The following BCOR variants were observed in gnomAD, a reference collection of about 807,000 sequenced individuals.
BCOR encodes BCL6 corepressor, also known as BCL-6 corepressor.
A neutral mutation model predicts 86.7 loss-of-function variants in BCOR; 10 were observed. That is an observed-to-expected ratio of 0.12 (90% CI 0.07 to 0.20). The LOEUF is 0.20. Ranked by LOEUF, BCOR falls within the 10% of genes least tolerant of loss-of-function variation. BCOR has a pLI of 1.00. For synonymous variants in BCOR, 611 were observed against 609.0 expected (o/e 1.00, Z -0.05); for missense variants, 1,259 against 1,452.1 (o/e 0.87, Z 2.16).
chrX:40,172,534 G>T (rs974044662), intron 1 of BCOR, among the ~76,000 whole-genome samples: 1 of 113,399 alleles, frequency 8.8e-6, no homozygotes, highest in African/African-American at 3.2e-5. Flanking sequence ...GAGGCGGGCT[G>T]CGCGCTTGGA....
intron 1 of BCOR, among the ~76,000 whole-genome samples, chrX:40,107,663 G>A (rs1281862440): frequency 1.8e-5 from 2 of 112,735 alleles, no homozygotes; most frequent in African/African-American, 6.4e-5. Flanking sequence ...CGACTTGGCG[G>A]CGCTGGCAGG....
intron 1 of BCOR, among the ~76,000 whole-genome samples, chrX:40,160,432 C>CT (rs1555941079): frequency 2.0e-5 from 2 of 98,672 alleles, no homozygotes; most frequent in South Asian, 9.1e-4. Context: ...ATTACTTTTT[C>CT]TTTTTTTTCT....
chrX:40,145,975 C>T (rs978351061), intron 1 of BCOR, among the ~76,000 whole-genome samples: 6 of 111,632 alleles, frequency 5.4e-5, no homozygotes, highest in African/African-American at 2.0e-4. Flanking sequence ...TATCGTGGGA[C>T]GCGGCGGCGG....
At chrX:40,138,680 G>A (rs780345320) in intron 1 of BCOR, among the ~76,000 whole-genome samples, 2 of 110,099 alleles carry the variant, frequency 1.8e-5, no homozygotes, top group Admixed American at 9.8e-5. Flanking sequence ...TCAGCCTCCC[G>A]AGTAGCTGGG....
intron 1 of BCOR, among the ~76,000 whole-genome samples, chrX:40,095,111 C>T (rs1020200121): frequency 9.0e-6 from 1 of 111,550 alleles, no homozygotes; most frequent in African/African-American, 3.3e-5. Context: ...AGGCCAGCCT[C>T]GGATTAAACC....
At chrX:40,134,604 C>T (rs995800192) in intron 1 of BCOR, among the ~76,000 whole-genome samples, 2 of 111,432 alleles carry the variant, frequency 1.8e-5, no homozygotes, top group African/African-American at 6.5e-5. Context: ...GCCTGGGTGA[C>T]AGAATGAGAC....
intron 10 of BCOR, among the ~76,000 whole-genome samples, chrX:40,061,482 T>TACTTTGGATCTTAGGGGCTCCG (rs1555914599): frequency 2.7e-5 from 3 of 111,657 alleles, no homozygotes; most frequent in African/African-American, 9.8e-5. Flanking sequence ...TGAAATGAGT[T>TACTTTGGATCTTAGGGGCTCCG]ACTTTGGATC....
chrX:40,153,322 C>G (rs1938210683), intron 1 of BCOR, among the ~76,000 whole-genome samples: 1 of 112,637 alleles, frequency 8.9e-6, no homozygotes, highest in Non-Finnish European at 1.9e-5. Flanking sequence ...CACCCTCGCC[C>G]AAGGCCCGAG....
chrX:40,176,110 G>A (rs1203015781), intron 1 of BCOR, among the ~76,000 whole-genome samples: 1 of 112,732 alleles, frequency 8.9e-6, no homozygotes, highest in Non-Finnish European at 1.9e-5. Flanking sequence ...TTGGGGAAGC[G>A]TGAGACCGTT....
intron 1 of BCOR, among the ~76,000 whole-genome samples, chrX:40,146,206 GCGCGGAGGCGGGGCGCGGGGCTCCGCTCC>G (rs984212005): frequency 4.5e-5 from 5 of 112,161 alleles, no homozygotes; most frequent in East Asian, 5.7e-4. Context: ...CATCTCGTGG[GCGCGGAGGCGGGGCGCGGGGCTCCGCTCC>G]CGCGGAGGCG....
chrX:40,120,542 C>A (rs991177001), intron 1 of BCOR, among the ~76,000 whole-genome samples: 1 of 111,827 alleles, frequency 8.9e-6, no homozygotes, highest in African/African-American at 3.3e-5. Flanking sequence ...CAGCTTCTCA[C>A]CTACGCCATG....
chrX:40,139,191 G>C (rs1204944045), intron 1 of BCOR, among the ~76,000 whole-genome samples: 1 of 104,494 alleles, frequency 9.6e-6, no homozygotes, highest in East Asian at 3.1e-4. Flanking sequence ...CTAAGTAACA[G>C]TTTAAGATAA....
At chrX:40,070,216 G>A (rs1022811998) in intron 6 of BCOR, among the ~76,000 whole-genome samples, 4 of 111,468 alleles carry the variant, frequency 3.6e-5, no homozygotes, top group African/African-American at 6.5e-5. Context: ...ATTCCCCTTC[G>A]CCCAGTGAGG....
intron 1 of BCOR, among the ~76,000 whole-genome samples, chrX:40,140,817 A>G (rs1465030951): frequency 1.8e-5 from 2 of 113,332 alleles, no homozygotes; most frequent in African/African-American, 3.2e-5. Flanking sequence ...CATGGATGCC[A>G]CACTTATGAC....
At chrX:40,096,888 G>A (rs1936907991) in intron 1 of BCOR, among the ~76,000 whole-genome samples, 1 of 94,662 alleles carries the variant, frequency 1.1e-5, no homozygotes, top group Non-Finnish European at 2.1e-5. Flanking sequence ...CCGCGCTCCC[G>A]CGCACAGACA....
intron 1 of BCOR, among the ~76,000 whole-genome samples, chrX:40,105,045 G>A (rs951906644): frequency 1.8e-5 from 2 of 110,409 alleles, no homozygotes; most frequent in African/African-American, 6.5e-5. Flanking sequence ...GGGGCAGGCC[G>A]CTCCCTGGCT....
At chrX:40,093,488 G>T (rs1275868431) in intron 1 of BCOR, among the ~76,000 whole-genome samples, 1 of 111,429 alleles carries the variant, frequency 9.0e-6, no homozygotes, top group Admixed American at 9.5e-5. Context: ...GCTGAAGAAA[G>T]AACTAGATAA....
chrX:40,096,889 C>A (rs1353112741), intron 1 of BCOR, among the ~76,000 whole-genome samples: 1 of 109,811 alleles, frequency 9.1e-6, no homozygotes, highest in Non-Finnish European at 1.9e-5. Context: ...CGCGCTCCCG[C>A]GCACAGACAC....
rs1569154488 is a variant in BCOR, at chrX:40,072,060, G to A, written c.2997+289C>T. 5 of 410,877 alleles carry A rather than the reference G, an allele frequency of 1.2e-5. No homozygotes were observed. The South Asian group carries it at 1.9e-4, about 15-fold the overall frequency. 33.9% of individuals were successfully genotyped at this position (410,877 alleles called of 1,213,427 possible). On this transcript the variant is annotated intron_variant, in intron 4 of 14. Transcript: ENST00000378444. The stretch of plus-strand genomic sequence containing the variant: ...GGCAGAGAAATCAAAGCAATTGATA[G>A]GTAAACGTCATGCAGTCTTTAGATA...
Sources: gnomAD v4.1 joint callset for allele counts (sites outside exome capture counted in the v4.1 genomes callset) on GRCh38, gnomAD v4.1.1 for gene constraint, MANE v1.5 for transcripts, NCBI Gene and HGNC (gene_info 2026-07-23, HGNC 2026-07-21) for gene names.